MYO7A: variants seen among roughly 807,000 people sequenced by gnomAD.
MYO7A encodes unconventional myosin-VIIa.
MYO7A carries 210 observed loss-of-function variants against 263.8 expected under a neutral mutation model. The ratio of observed to expected loss-of-function variants is 0.80; its 90% CI spans 0.71 to 0.89. MYO7A has a LOEUF of 0.89. Among genes scored for constraint, MYO7A ranks in the 40% least tolerant of loss-of-function variants. The pLI is 0.00. For missense variants in MYO7A, 2,820 were observed against 2,968.3 expected (o/e 0.95, Z 1.16); for synonymous variants, 1,239 against 1,197.3 (o/e 1.03, Z -0.72).
intron 32 of MYO7A, among the ~76,000 whole-genome samples, chr11:77,196,385 C>T (rs1370788985): frequency 6.7e-6 from 1 of 148,168 alleles, no homozygotes; most frequent in Non-Finnish European, 1.5e-5. Flanking sequence ...AAAAAAGGAG[C>T]TTATCTCCAA....
chr11:77,207,806 C>G (rs770889278), intron 42 of MYO7A, among the ~76,000 whole-genome samples: 1 of 152,234 alleles, frequency 6.6e-6, no homozygotes, highest in Non-Finnish European at 1.5e-5. Flanking sequence ...GGTTAGGTAA[C>G]TTGTCCAAGG....
At chr11:77,206,565 C>T (rs368181890) in intron 41 of MYO7A, among the ~76,000 whole-genome samples, 5 of 152,220 alleles carry the variant, frequency 3.3e-5, no homozygotes, top group African/African-American at 7.2e-5. Context: ...CCTCCCCTGT[C>T]GACTGAGCCC....
At chr11:77,152,080 G>C (rs1288818302) in intron 4 of MYO7A, among the ~76,000 whole-genome samples, 2 of 152,220 alleles carry the variant, frequency 1.3e-5, no homozygotes, top group Non-Finnish European at 2.9e-5. Flanking sequence ...TGGGGTGGGA[G>C]CTGCAAAGTC....
intron 31 of MYO7A, 119 bp from the exon 32 acceptor site, chr11:77,194,235 C>A: frequency 8.1e-7 from 1 of 1,229,920 alleles, no homozygotes; most frequent in Non-Finnish European, 1.2e-6. Flanking sequence ...GTCCCAAAGG[C>A]CAGGCTCTGA....
At chr11:77,203,669 G>A (rs1957235535) in intron 38 of MYO7A, among the ~76,000 whole-genome samples, 1 of 152,160 alleles carries the variant, frequency 6.6e-6, no homozygotes, top group Non-Finnish European at 1.5e-5. Context: ...TCCAGAGAGA[G>A]GGAGCAGCAG....
At chr11:77,200,513 A>G (rs974030364) in intron 35 of MYO7A, among the ~76,000 whole-genome samples, 7 of 152,238 alleles carry the variant, frequency 4.6e-5, no homozygotes, top group Admixed American at 6.5e-5. Context: ...ACCCACTCCC[A>G]TGACCCAAAC....
chr11:77,161,435 G>A (rs1952987437), intron 12 of MYO7A, among the ~76,000 whole-genome samples: 1 of 152,200 alleles, frequency 6.6e-6, no homozygotes, highest in South Asian at 2.1e-4. Flanking sequence ...AAGCAGGGAG[G>A]CCAGGCCTGT....
In MYO7A at chr11:77,156,974, C is replaced by T. The variant is rs1952531419; in HGVS notation, c.705C>T (p.Tyr235=). ...TCGAGGGCGCGAAGATTGAGCAGTA[C>T]CTGCTGGAAAAGTCACGTGTCTGTC... ...GAIEGAKIEQ[Y]LLEKSRVCRQ... Residue 235 remains tyrosine (Y), a synonymous_variant, in exon 7 of 49, where the codon TAC becomes TAT. Coordinates refer to ENST00000409709, the MANE Select transcript of MYO7A (RefSeq NM_000260.4). 15 of 1,613,806 alleles carry T rather than the reference C, an allele frequency of 9.3e-6. No homozygotes were observed. The highest frequency in any genetic ancestry group is 1.3e-5 in the Non-Finnish European group (15 of 1,179,856).
intron 16 of MYO7A, 87 bp downstream of exon 16, chr11:77,172,972 G>A (rs997520337): frequency 3.4e-6 from 5 of 1,462,938 alleles, no homozygotes; most frequent in Non-Finnish European, 4.6e-6. Context: ...TGGGAGTGAA[G>A]GATGTGAGAC....
chr11:77,195,986 T>G (rs1333816591), intron 32 of MYO7A, among the ~76,000 whole-genome samples: 1 of 152,264 alleles, frequency 6.6e-6, no homozygotes, highest in Non-Finnish European at 1.5e-5. Flanking sequence ...CACATGCACG[T>G]CTGAGTCCAA....
At position 77,175,501 on chromosome 11, in the gene MYO7A, G is replaced by GT. The variant is rs1352359109; in HGVS notation, c.2187+37_2187+38insT. On this transcript the variant is annotated intron_variant, in intron 18 of 48. Coordinates refer to ENST00000409709, the MANE Select transcript of MYO7A (RefSeq NM_000260.4). The stretch of plus-strand genomic sequence containing the variant: ...TGCCTTCCCTGGGCTGCCCTGGGGG[G>GT]GCTGTAAATTCCCATGATGTGGGCT... 6 of 1,591,010 alleles carry GT rather than the reference G, an allele frequency of 3.8e-6. No individual in the cohort carries two copies. In the African/African-American group the frequency reaches 8.1e-5, roughly 21 times the overall value.
chr11:77,214,167 G>C (rs994885119), intron 48 of MYO7A, among the ~76,000 whole-genome samples, 188 bp downstream of exon 48: 4 of 152,218 alleles, frequency 2.6e-5, no homozygotes, highest in Non-Finnish European at 4.4e-5. Flanking sequence ...TTAATCTGGG[G>C]CTGAGGAACA....
intron 2 of MYO7A, among the ~76,000 whole-genome samples, chr11:77,134,084 C>T (rs1265722281): frequency 6.6e-6 from 1 of 150,906 alleles, no homozygotes; most frequent in African/African-American, 2.5e-5. Context: ...CGTGCACCAC[C>T]ATACCTGGCT....
At chr11:77,157,103 C>A (rs190388970) in intron 7 of MYO7A, 99 bp downstream of exon 7, 3 of 1,518,532 alleles carry the variant, frequency 2.0e-6, no homozygotes, top group African/African-American at 1.4e-5. Context: ...ATTGCTCCCC[C>A]ACCTGCCCGT....
intron 21 of MYO7A, 119 bp from the exon 22 acceptor site, chr11:77,180,255 T>G: frequency 1.1e-6 from 1 of 930,436 alleles, no homozygotes; most frequent in Non-Finnish European, 1.6e-6. Context: ...TTACCTCACT[T>G]GTCCTATCAA....
At chr11:77,148,496 A>G (rs1951740016) in intron 4 of MYO7A, among the ~76,000 whole-genome samples, 1 of 152,166 alleles carries the variant, frequency 6.6e-6, no homozygotes, top group Non-Finnish European at 1.5e-5. Context: ...GGACAAATAA[A>G]GATGTCTGCC....
chr11:77,194,313 G>A, intron 31 of MYO7A, 41 bp from the exon 32 acceptor site: 1 of 1,588,650 alleles, frequency 6.3e-7, no homozygotes, highest in Non-Finnish European at 8.6e-7. Context: ...CTTCCTGGAG[G>A]GGCCTGGGCC....
intron 1 of MYO7A, among the ~76,000 whole-genome samples, chr11:77,130,250 C>A (rs944723486): frequency 3.9e-5 from 6 of 152,258 alleles, no homozygotes; most frequent in African/African-American, 1.4e-4. Flanking sequence ...TTTGCTCTGG[C>A]TAGCTGTGTG....
intron 2 of MYO7A, among the ~76,000 whole-genome samples, chr11:77,132,220 T>A (rs1555046242): frequency 6.6e-6 from 1 of 152,114 alleles, no homozygotes; most frequent in African/African-American, 2.4e-5. Flanking sequence ...GCTTCCCTGC[T>A]CTGCAAACCC....
Sources: allele counts gnomAD v4.1 joint callset (sites outside exome capture counted in the v4.1 genomes callset), GRCh38; gene constraint gnomAD v4.1.1; transcripts MANE v1.5; gene names NCBI Gene and HGNC (gene_info 2026-07-23, HGNC 2026-07-21).